Variants in NAALADL2 observed in about 807,000 individuals in gnomAD.
The protein encoded by NAALADL2 is N-acetylated alpha-linked acidic dipeptidase like 2.
NAALADL2 carries 76 observed loss-of-function variants against 87.2 expected under a neutral mutation model. The ratio of observed to expected loss-of-function variants is 0.87; its 90% CI spans 0.72 to 1.05. The LOEUF is 1.05. Ranked by LOEUF, NAALADL2 falls within the 50% of genes least tolerant of loss-of-function variation. The pLI, the probability that NAALADL2 is intolerant of heterozygous loss-of-function variation, is 0.00. For synonymous variants in NAALADL2, 354 were observed against 331.0 expected, an observed-to-expected ratio of 1.07 and a Z score of -0.75; for missense variants, 1,089 against 945.8, an observed-to-expected ratio of 1.15 and a Z score of -1.99.
chr3:174,906,609 C>G (rs551369510), intron 1 of NAALADL2, among the ~76,000 whole-genome samples: 7 of 152,062 alleles, frequency 4.6e-5, no homozygotes, highest in Non-Finnish European at 8.8e-5. Context: ...AGAACTGAAT[C>G]TTGCCAACAA....
At chr3:174,630,771 C>A (rs976923478) in intron 2 of NAALADL2, among the ~76,000 whole-genome samples, 2 of 152,084 alleles carry the variant, frequency 1.3e-5, no homozygotes, top group Non-Finnish European at 2.9e-5. Context: ...TAGCCTATAT[C>A]CAGCATGTCA....
At chr3:175,780,044 A>G (rs1471010364) in intron 13 of NAALADL2, among the ~76,000 whole-genome samples, 4 of 151,880 alleles carry the variant, frequency 2.6e-5, no homozygotes, top group South Asian at 2.1e-4. Context: ...CGAGGTGGGC[A>G]GATCACGAGG....
At chr3:175,414,121 G>T (rs1197823494) in intron 5 of NAALADL2, among the ~76,000 whole-genome samples, 3 of 152,154 alleles carry the variant, frequency 2.0e-5, no homozygotes, top group African/African-American at 7.2e-5. Context: ...GGGGATTTAC[G>T]GTAGCCTAAT....
chr3:175,351,087 G>A (rs1375376546), intron 5 of NAALADL2, among the ~76,000 whole-genome samples: 1 of 152,028 alleles, frequency 6.6e-6, no homozygotes, highest in Non-Finnish European at 1.5e-5. Flanking sequence ...TAAATGTGCT[G>A]CAAACTTGTA....
At chr3:174,990,428 G>A (rs1216180934) in intron 1 of NAALADL2, among the ~76,000 whole-genome samples, 1 of 152,074 alleles carries the variant, frequency 6.6e-6, no homozygotes, top group Non-Finnish European at 1.5e-5. Flanking sequence ...AGGAAATAAG[G>A]TTTTCTAAAT....
At position 174,757,328 on chromosome 3, in the gene NAALADL2, A is replaced by G. The variant is rs1357219065; in HGVS notation, c.-9+19582A>G. ...ATCATGGCTGAGGTAGCCAATGAGC[A>G]AGGCTGGGGCATAATTGAGATGAGG... On this transcript the variant is annotated intron_variant, in intron 3 of 3. Transcript: ENST00000434257. 2.0e-5 allele frequency among the ~76,000 whole-genome samples: 3 copies of G among 152,268 alleles called. No homozygotes were observed. The East Asian group carries it at 5.8e-4, about 30-fold the overall frequency.
upstream of NAALADL2, among the ~76,000 whole-genome samples, chr3:174,856,521 T>C (rs1725880546): frequency 1.3e-5 from 2 of 152,170 alleles, no homozygotes; most frequent in African/African-American, 4.8e-5. Flanking sequence ...TTATTCACAC[T>C]GTAGGTGCCT....
In NAALADL2 at chr3:175,097,025, C is replaced by T. The variant is rs764112751; in HGVS notation, c.279C>T (p.Pro93=). The stretch of plus-strand genomic sequence containing the variant: ...ATTCCATTCAACCAGCAACTTCACC[C>T]AAAGGAAGGTTCCAGAGACTTCAAG... ...NLDSIQPATS[P]KGRFQRLQEE... Residue 93 remains proline, a synonymous_variant, in exon 2 of 14, where the codon CCC becomes CCT. Transcript: ENST00000454872. 2.3e-5 allele frequency: 37 copies of T among 1,613,454 alleles called. No individual in the cohort carries two copies. The highest frequency in any genetic ancestry group is 3.1e-5 in the Non-Finnish European group (36 of 1,179,728).
At chr3:175,093,412 TTTTTTATA>T (rs1411972579) in intron 1 of NAALADL2, among the ~76,000 whole-genome samples, 2 of 45,306 alleles carry the variant, frequency 4.4e-5, no homozygotes, top group Admixed American at 1.9e-4. Flanking sequence ...TTCATTTTAT[TTTTTTATA>T]TATATATATA....
chr3:174,728,027 T>C (rs1209838818), intron 2 of NAALADL2, among the ~76,000 whole-genome samples: 1 of 152,100 alleles, frequency 6.6e-6, no homozygotes, highest in African/African-American at 2.4e-5. Flanking sequence ...TAAGGCTCAT[T>C]CATGTCTTTT....
intron 3 of NAALADL2, among the ~76,000 whole-genome samples, chr3:174,740,848 C>G (rs1733694316): frequency 6.6e-6 from 1 of 151,796 alleles, no homozygotes; most frequent in Non-Finnish European, 1.5e-5. Flanking sequence ...GATTTTCTAA[C>G]ACTTCTTGAG....
intron 10 of NAALADL2, among the ~76,000 whole-genome samples, chr3:175,596,712 C>T (rs187121195): frequency 6.6e-6 from 1 of 151,554 alleles, no homozygotes; most frequent in Non-Finnish European, 1.5e-5. Context: ...ATAAAATATC[C>T]CTAGTTTTTT....
At chr3:175,133,557 CA>C (rs1352836832) in intron 2 of NAALADL2, among the ~76,000 whole-genome samples, 1 of 152,114 alleles carries the variant, frequency 6.6e-6, no homozygotes, top group East Asian at 1.9e-4. Flanking sequence ...CCGTCTCCAC[CA>C]AAAAAATACG....
intron 9 of NAALADL2, among the ~76,000 whole-genome samples, chr3:175,548,657 GC>G (rs749579730): frequency 6.6e-6 from 1 of 152,006 alleles, no homozygotes; most frequent in Non-Finnish European, 1.5e-5. Context: ...TTTAAGTACT[GC>G]TAAGACTGCC....
Position 175,094,757 on chromosome 3 carries a change from AGT to A in NAALADL2, c.44-2001_44-2000del, listed in dbSNP as rs369083345. 7.4e-3 allele frequency among the ~76,000 whole-genome samples: 932 copies of A among 125,982 alleles called. 2 individuals are homozygous for A. Among genetic ancestry groups the A allele is most frequent in the Middle Eastern group, 0.017 (4 of 232 alleles). 82.6% of individuals were successfully genotyped at this position (125,982 alleles called of 152,430 possible). The stretch of plus-strand genomic sequence containing the variant: ...TTAAAAAAAAAGCACCAGACACTAT[AGT>A]GTGTGTGTGTGTGTGTGTGTGTGTG... On this transcript the variant is annotated intron_variant, in intron 1 of 13. Transcript: ENST00000454872.
At chr3:174,530,141 C>T (rs370303256) in intron 1 of NAALADL2, among the ~76,000 whole-genome samples, 4 of 152,154 alleles carry the variant, frequency 2.6e-5, no homozygotes, top group African/African-American at 9.7e-5. Context: ...GTCACCTCTT[C>T]AGTGCTTTGC....
intron 2 of NAALADL2, among the ~76,000 whole-genome samples, chr3:174,583,364 TGGAAGGCCATACAGACTTGGAAGAA>T (rs1716372146): frequency 6.6e-6 from 1 of 152,208 alleles, no homozygotes; most frequent in Non-Finnish European, 1.5e-5. Context: ...TTAAAGATTC[TGGAAGGCCATACAGACTTGGAAGAA>T]GGAAGCAAGA....
At chr3:175,393,717 A>G (rs112346949) in intron 5 of NAALADL2, among the ~76,000 whole-genome samples, 10 of 152,316 alleles carry the variant, frequency 6.6e-5, no homozygotes, top group African/African-American at 2.4e-4. Flanking sequence ...TTCAGAGTGT[A>G]TTTGCTAAGA....
chr3:174,859,403 A>G lies in NAALADL2; in HGVS notation c.-5A>G. 1 of 1,607,322 alleles carries G rather than the reference A, an allele frequency of 6.2e-7. No homozygotes were observed. The highest frequency in any genetic ancestry group is 2.2e-5 in the East Asian group (1 of 44,682). On this transcript the variant is annotated 5_prime_UTR_variant, in exon 1 of 14. Transcript: ENST00000454872. ...GCTTGGCCCTCTTTAAAAAGAAATA[A>G]TAAAATGGGAGAGAATGAAGCAAGT...
Sources: gnomAD v4.1 joint callset for allele counts (sites outside exome capture counted in the v4.1 genomes callset) on GRCh38, gnomAD v4.1.1 for gene constraint, MANE v1.5 for transcripts, NCBI Gene and HGNC (gene_info 2026-07-23, HGNC 2026-07-21) for gene names.